The following PPHLN1 variants were observed in gnomAD, a reference collection of about 807,000 sequenced individuals.
PPHLN1 encodes periphilin 1, also known as periphilin-1.
Under a neutral mutation model 51.3 loss-of-function variants are expected in PPHLN1, and 29 were observed. That is an observed-to-expected ratio of 0.57 (90% CI 0.42 to 0.77). The LOEUF (loss-of-function observed/expected upper bound fraction) is 0.77. Among genes scored for constraint, PPHLN1 ranks in the 30% least tolerant of loss-of-function variants. The probability of loss-of-function intolerance (pLI) is 0.00; values close to 1 mark genes in which losing one functional copy is unlikely to be tolerated. For synonymous variants in PPHLN1, 147 were observed against 147.8 expected (o/e 0.99, Z 0.04); for missense variants, 436 against 438.4 (o/e 0.99, Z 0.05).
At chr12:42,423,679 A>ATTTTT (rs11345292) in intron 9 of PPHLN1, among the ~76,000 whole-genome samples, 1 of 147,800 alleles carries the variant, frequency 6.8e-6, no homozygotes, top group Non-Finnish European at 1.5e-5. Context: ...TAACATGCAA[A>ATTTTT]TTTTTTTTTT....
intron 9 of PPHLN1, among the ~76,000 whole-genome samples, chr12:42,434,821 G>T (rs2082341413): frequency 6.6e-6 from 1 of 152,204 alleles, no homozygotes; most frequent in South Asian, 2.1e-4. Flanking sequence ...ACCCTCCCCA[G>T]TAGCTGGGAC....
chr12:42,335,699 T>A (rs1241220047), intron 1 of PPHLN1, among the ~76,000 whole-genome samples, 184 bp from the exon 2 acceptor site: 5 of 151,462 alleles, frequency 3.3e-5, no homozygotes, highest in Admixed American at 6.6e-5. Flanking sequence ...TTTTTTTTTT[T>A]TTTTTTTAAA....
At chr12:42,338,258 G>T (rs1463091926) in intron 2 of PPHLN1, among the ~76,000 whole-genome samples, 2 of 152,182 alleles carry the variant, frequency 1.3e-5, no homozygotes, top group East Asian at 3.9e-4. Flanking sequence ...GTGTTTTGAA[G>T]ATACTTAAAA....
chr12:42,416,796 T>C (rs2080427811), intron 9 of PPHLN1, among the ~76,000 whole-genome samples: 1 of 152,202 alleles, frequency 6.6e-6, no homozygotes, highest in African/African-American at 2.4e-5. Flanking sequence ...GATGGGATTA[T>C]ATAGATTGTA....
chr12:42,350,733 C>T (rs1045390566), intron 2 of PPHLN1, among the ~76,000 whole-genome samples: 3 of 152,142 alleles, frequency 2.0e-5, no homozygotes, highest in Non-Finnish European at 2.9e-5. Context: ...GAGGCTGAGG[C>T]GGGCAGATCA....
At chr12:42,346,184 ATTCATC>A in intron 2 of PPHLN1, among the ~76,000 whole-genome samples, 1 of 152,256 alleles carries the variant, frequency 6.6e-6, no homozygotes, top group Non-Finnish European at 1.5e-5. Context: ...CTCTAGACTT[ATTCATC>A]TTACTTACCT....
At chr12:42,380,104 A>C (rs2076632387) in intron 5 of PPHLN1, among the ~76,000 whole-genome samples, 2 of 152,046 alleles carry the variant, frequency 1.3e-5, no homozygotes, top group Admixed American at 1.3e-4. Flanking sequence ...CAGTGACATA[A>C]AGATTATCTT....
intron 9 of PPHLN1, chr12:42,433,106 A>T (rs1018907283): frequency 5.0e-5 from 39 of 779,534 alleles, no homozygotes; most frequent in Middle Eastern, 2.3e-4. Flanking sequence ...AAAGTTGTTC[A>T]AATGTGACTA....
intron 9 of PPHLN1, among the ~76,000 whole-genome samples, chr12:42,413,933 G>T (rs2080125338): frequency 1.3e-5 from 2 of 152,102 alleles, no homozygotes; most frequent in African/African-American, 4.8e-5. Context: ...TTTGGCTTAG[G>T]ATTGCTTTGG....
downstream of PPHLN1, chr12:42,442,313 C>G (rs2083025902): frequency 5.4e-6 from 1 of 185,094 alleles, no homozygotes; most frequent in Admixed American, 6.1e-5. Context: ...GCAGCTAATT[C>G]TCTTACCCCG....
At chr12:42,333,787 C>T (rs1244055779) in intron 1 of PPHLN1, among the ~76,000 whole-genome samples, 1 of 152,158 alleles carries the variant, frequency 6.6e-6, no homozygotes, top group Non-Finnish European at 1.5e-5. Context: ...CGGCCAACCT[C>T]CTTTACTAAC....
At chr12:42,355,824 G>A (rs2073991780) in intron 4 of PPHLN1, 1 of 151,958 alleles carries the variant, frequency 6.6e-6, no homozygotes, top group South Asian at 2.1e-4. Context: ...GTGTGGTATG[G>A]ATTATGAGGT....
chr12:42,413,623 G>A (rs1311585853), intron 9 of PPHLN1, among the ~76,000 whole-genome samples: 4 of 150,966 alleles, frequency 2.6e-5, no homozygotes, highest in African/African-American at 9.8e-5. Context: ...GTGCAGTGGC[G>A]CCATCTCGGC....
At chr12:42,396,615 CAAAAAAAAAAAAA>C (rs60131845) in intron 8 of PPHLN1, among the ~76,000 whole-genome samples, 10 of 85,496 alleles carry the variant, frequency 1.2e-4, no homozygotes, top group East Asian at 4.3e-4. Flanking sequence ...CTTGTCACTA[CAAAAAAAAAAAAA>C]AAAAAAAAAA....
chr12:42,367,956 A>G (rs568424956), intron 4 of PPHLN1, among the ~76,000 whole-genome samples: 26 of 152,158 alleles, frequency 1.7e-4, no homozygotes, highest in Non-Finnish European at 3.4e-4. Flanking sequence ...GCTGGTGTCG[A>G]ACTCCTTGAA....
intron 2 of PPHLN1, among the ~76,000 whole-genome samples, chr12:42,344,469 T>C (rs1475386127): frequency 6.6e-6 from 1 of 152,202 alleles, no homozygotes; most frequent in Non-Finnish European, 1.5e-5. Flanking sequence ...AGTAAAACCA[T>C]GATATCACAC....
chr12:42,384,495 G>A (rs138245808), intron 5 of PPHLN1, among the ~76,000 whole-genome samples: 30 of 152,232 alleles, frequency 2.0e-4, no homozygotes, highest in African/African-American at 6.7e-4. Flanking sequence ...AACTGGTAGG[G>A]GTGATCCATC....
chr12:42,387,403 A>G (rs1200865166), intron 6 of PPHLN1, 53 bp from the exon 7 acceptor site: 2 of 1,553,712 alleles, frequency 1.3e-6, no homozygotes, highest in South Asian at 1.2e-5. Context: ...AAATTACTTT[A>G]TCAAAAACAA....
At position 42,374,996 on chromosome 12, in the gene PPHLN1, T is replaced by A; in HGVS notation, c.433T>A (p.Ser145Thr). The change falls in exon 5 of 10, where the codon TCT becomes ACT. Residue 145 changes from serine to threonine, a missense_variant. By Grantham distance (58) the Ser-to-Thr change is moderately conservative (BLOSUM62 1). Coordinates refer to ENST00000358314, the MANE Select transcript of PPHLN1 (RefSeq NM_201439.2). ...VGRKDSPHSR[S>T]GSSVSSRSYS... ...CCGAAAGGATTCTCCACACAGCAGA[T>A]CTGGTTCCAGTGTCAGTAGCAGAAG... 1 of 1,614,074 alleles carries A rather than the reference T, an allele frequency of 6.2e-7. No homozygotes were observed. Among genetic ancestry groups the A allele is most frequent in the Non-Finnish European group, 8.5e-7 (1 of 1,179,970 alleles).
Sources: allele counts gnomAD v4.1 joint callset (sites outside exome capture counted in the v4.1 genomes callset), GRCh38; gene constraint gnomAD v4.1.1; transcripts MANE v1.5; gene names NCBI Gene and HGNC (gene_info 2026-07-23, HGNC 2026-07-21).